SKAP1: variants seen among roughly 807,000 people sequenced by gnomAD.
SKAP1 encodes src kinase-associated phosphoprotein 1.
A neutral mutation model predicts 58.5 loss-of-function variants in SKAP1; 44 were observed. That is an observed-to-expected ratio of 0.75 (90% CI 0.59 to 0.97). The LOEUF (loss-of-function observed/expected upper bound fraction) is 0.97. Among genes scored for constraint, SKAP1 ranks in the 50% least tolerant of loss-of-function variants. SKAP1 has a pLI of 0.00. For synonymous variants in SKAP1, 127 were observed against 149.7 expected (o/e 0.85, Z 1.11); for missense variants, 390 against 435.2 (o/e 0.90, Z 0.92).
At chr17:48,330,300 A>G in intron 4 of SKAP1, among the ~76,000 whole-genome samples, 1 of 152,196 alleles carries the variant, frequency 6.6e-6, no homozygotes, top group East Asian at 1.9e-4. Context: ...AATTCATCAG[A>G]AAGCCTTTAA....
At chr17:48,432,619 G>A (rs1175988395), upstream of SKAP1, among the ~76,000 whole-genome samples, 1 of 152,112 alleles carries the variant, frequency 6.6e-6, no homozygotes, top group African/African-American at 2.4e-5. Flanking sequence ...AAGATACATG[G>A]GAACTGTCTG....
At chr17:48,137,450 C>G (rs2063714971) in intron 11 of SKAP1, 113 bp from the exon 12 acceptor site, 1 of 695,330 alleles carries the variant, frequency 1.4e-6, no homozygotes, top group Admixed American at 2.4e-5. Context: ...GCCATTATCA[C>G]TGTGAACTGT....
At chr17:48,323,653 T>C (rs1327129299) in intron 4 of SKAP1, among the ~76,000 whole-genome samples, 1 of 152,118 alleles carries the variant, frequency 6.6e-6, no homozygotes, top group Non-Finnish European at 1.5e-5. Flanking sequence ...AAAAGTACCA[T>C]GCCAGATCCT....
chr17:48,223,887 G>T (rs1287900107), intron 4 of SKAP1, among the ~76,000 whole-genome samples: 1 of 151,932 alleles, frequency 6.6e-6, no homozygotes, highest in Non-Finnish European at 1.5e-5. Flanking sequence ...CTGAATATCT[G>T]AAATTGTTAA....
chr17:48,217,031 T>C (rs577613665), intron 4 of SKAP1, among the ~76,000 whole-genome samples: 2 of 152,288 alleles, frequency 1.3e-5, no homozygotes, highest in Admixed American at 1.3e-4. Flanking sequence ...CTAAAGTACA[T>C]CTCAGGTAAG....
intron 2 of SKAP1, among the ~76,000 whole-genome samples, chr17:48,386,018 T>C (rs2067271189): frequency 6.6e-6 from 1 of 152,132 alleles, no homozygotes; most frequent in South Asian, 2.1e-4. Flanking sequence ...CCCTGTAACC[T>C]TTTGTCACAG....
chr17:48,186,333 T>C (rs991796911), intron 6 of SKAP1, among the ~76,000 whole-genome samples: 3 of 152,062 alleles, frequency 2.0e-5, no homozygotes, highest in African/African-American at 7.2e-5. Context: ...AGATGCGAAA[T>C]GTTCTGAGGA....
At position 48,388,253 on chromosome 17, in the gene SKAP1, G is replaced by A. The variant is rs557898706; in HGVS notation, c.152+8427C>T. On this transcript the variant is annotated intron_variant, in intron 2 of 12. Transcript: ENST00000336915. The stretch of plus-strand genomic sequence containing the variant: ...GTTTGAGACCAGCCTGGCCAACATG[G>A]TGAAACCCTGTCTGTACTAAAGATA... 2.2e-3 allele frequency among the ~76,000 whole-genome samples: 332 copies of A among 152,210 alleles called. 2 individuals carry two copies. The highest frequency in any genetic ancestry group is 7.7e-3 in the African/African-American group (320 of 41,516).
At chr17:48,324,127 A>AG (rs1470339870) in intron 4 of SKAP1, among the ~76,000 whole-genome samples, 2 of 152,140 alleles carry the variant, frequency 1.3e-5, no homozygotes, top group Non-Finnish European at 2.9e-5. Flanking sequence ...AAAAGCACAA[A>AG]GGGGAAAAAA....
intron 4 of SKAP1, among the ~76,000 whole-genome samples, chr17:48,244,488 C>CATCTTT (rs542867181): frequency 5.4e-4 from 82 of 152,310 alleles, no homozygotes; most frequent in African/African-American, 1.9e-3. Flanking sequence ...AAGTCAGCTT[C>CATCTTT]ATCTTTATCT....
At chr17:48,143,370 A>G (rs776123970) in intron 11 of SKAP1, among the ~76,000 whole-genome samples, 21 of 150,708 alleles carry the variant, frequency 1.4e-4, no homozygotes, top group Non-Finnish European at 2.4e-4. Context: ...TTTATTTGCT[A>G]ATTATTTTGT....
intron 4 of SKAP1, among the ~76,000 whole-genome samples, chr17:48,219,622 TA>T (rs1567825562): frequency 1.3e-5 from 2 of 152,232 alleles, no homozygotes; most frequent in Non-Finnish European, 2.9e-5. Context: ...GTTGGTACCA[TA>T]ACCCAGTTAT....
intron 4 of SKAP1, among the ~76,000 whole-genome samples, chr17:48,291,037 A>C (rs1472036164): frequency 6.6e-6 from 1 of 152,140 alleles, no homozygotes; most frequent in African/African-American, 2.4e-5. Flanking sequence ...CAGGAGGCTG[A>C]GGCAGGAGGG....
chr17:48,213,350 CAAA>C (rs71366849), intron 4 of SKAP1, among the ~76,000 whole-genome samples: 5 of 101,008 alleles, frequency 5.0e-5, no homozygotes, highest in Non-Finnish European at 1.9e-5. Flanking sequence ...AACTCTGTCT[CAAA>C]AAAAAAAAAA....
chr17:48,391,343 G>C (rs953075645), intron 2 of SKAP1, among the ~76,000 whole-genome samples: 3 of 152,078 alleles, frequency 2.0e-5, no homozygotes, highest in Non-Finnish European at 2.9e-5. Context: ...TATTTTGAAA[G>C]GACAGAGACT....
intron 4 of SKAP1, among the ~76,000 whole-genome samples, chr17:48,332,428 TTA>T (rs1347025703): frequency 3.9e-5 from 6 of 152,138 alleles, no homozygotes; most frequent in African/African-American, 1.4e-4. Flanking sequence ...AAACTAAACT[TTA>T]GACGATAACA....
At chr17:48,195,096 G>T (rs2064607246) in intron 4 of SKAP1, among the ~76,000 whole-genome samples, 1 of 152,186 alleles carries the variant, frequency 6.6e-6, no homozygotes, top group Admixed American at 6.5e-5. Flanking sequence ...TGGGGAGGGG[G>T]TAGTTTTCTC....
At chr17:48,369,490 C>A (rs76339425) in intron 2 of SKAP1, among the ~76,000 whole-genome samples, 54 of 137,324 alleles carry the variant, frequency 3.9e-4, no homozygotes, top group Middle Eastern at 3.8e-3. Context: ...GACCCTCTCT[C>A]AAAAAAAAAA....
At chr17:48,381,992 T>G (rs1288891965) in intron 2 of SKAP1, among the ~76,000 whole-genome samples, 2 of 152,140 alleles carry the variant, frequency 1.3e-5, no homozygotes, top group African/African-American at 4.8e-5. Context: ...GGGTTCAAAT[T>G]CCAATTCTAG....
Sources: allele counts gnomAD v4.1 joint callset (sites outside exome capture counted in the v4.1 genomes callset), GRCh38; gene constraint gnomAD v4.1.1; transcripts MANE v1.5; gene names NCBI Gene and HGNC (gene_info 2026-07-23, HGNC 2026-07-21).